GBE1: variants seen among roughly 807,000 people sequenced by gnomAD.
GBE1 encodes the protein 1,4-alpha-glucan branching enzyme 1, also known as 1,4-alpha-glucan-branching enzyme.
Under a neutral mutation model 88.8 loss-of-function variants are expected in GBE1, and 70 were observed. That is an observed-to-expected ratio of 0.79 (90% CI 0.65 to 0.96). GBE1 has a LOEUF of 0.96. Ranked by LOEUF, GBE1 falls within the 40% of genes least tolerant of loss-of-function variation. GBE1 has a pLI of 0.00. For synonymous variants in GBE1, 284 were observed against 300.1 expected, an observed-to-expected ratio of 0.95 and a Z score of 0.56; for missense variants, 872 against 871.0, an observed-to-expected ratio of 1.00 and a Z score of -0.01.
At chr3:81,590,957 T>G (rs1484640831) in intron 9 of GBE1, 80 bp downstream of exon 9, 42 of 1,229,932 alleles carry the variant, frequency 3.4e-5, no homozygotes, top group Non-Finnish European at 4.4e-5. Context: ...CAACATGAGA[T>G]TGATTAATCA....
At chr3:81,535,788 A>G (rs963625053) in intron 13 of GBE1, among the ~76,000 whole-genome samples, 3 of 152,126 alleles carry the variant, frequency 2.0e-5, no homozygotes, top group Non-Finnish European at 4.4e-5. Flanking sequence ...TAAACATTTT[A>G]CATTTTTACC....
intron 12 of GBE1, among the ~76,000 whole-genome samples, chr3:81,549,242 C>G (rs547085147): frequency 6.6e-6 from 1 of 151,152 alleles, no homozygotes; most frequent in East Asian, 1.9e-4. Context: ...CTTGGCCAGG[C>G]TGGTCTCGAA....
At chr3:81,720,054 CA>C (rs1706001007) in intron 1 of GBE1, among the ~76,000 whole-genome samples, 1 of 151,800 alleles carries the variant, frequency 6.6e-6, no homozygotes, top group South Asian at 2.1e-4. Context: ...TTTCCAACAA[CA>C]AAAAAATCCA....
At chr3:81,671,786 C>T (rs1442995890) in intron 2 of GBE1, among the ~76,000 whole-genome samples, 1 of 151,824 alleles carries the variant, frequency 6.6e-6, no homozygotes, top group Non-Finnish European at 1.5e-5. Context: ...GTTTTTAAAA[C>T]TATAAAACTT....
At chr3:81,556,630 C>T (rs942548004) in intron 12 of GBE1, among the ~76,000 whole-genome samples, 1 of 152,040 alleles carries the variant, frequency 6.6e-6, no homozygotes, top group African/African-American at 2.4e-5. Context: ...TCCTGAGACC[C>T]ATTAAAGAAA....
chr3:81,590,932 T>G, intron 9 of GBE1, 105 bp downstream of exon 9: 1 of 974,348 alleles, frequency 1.0e-6, no homozygotes, highest in Non-Finnish European at 1.4e-6. Context: ...AGAATTTCAT[T>G]TACGCAATTA....
rs116080594 is a variant in GBE1 at position 81,602,345 on chromosome 3, T to A, written c.993-8322A>T. ...ACATGGTCAACAAAATCAGATTTTG[T>A]GGAAAGGTATCTATTAAATTAACCA... On this transcript the variant is annotated intron_variant, in intron 7 of 15. Transcript: ENST00000429644. Among the ~76,000 whole-genome samples, 638 of 152,290 alleles carry A rather than the reference T, an allele frequency of 4.2e-3. 6 individuals carry two copies. The highest frequency in any genetic ancestry group is 0.024 in the Middle Eastern group (7 of 294).
intron 12 of GBE1, among the ~76,000 whole-genome samples, chr3:81,570,301 A>G (rs1281568172): frequency 1.3e-5 from 2 of 152,176 alleles, no homozygotes; most frequent in Non-Finnish European, 2.9e-5. Flanking sequence ...AATTTGTACC[A>G]TTTGTTCAAA....
intron 3 of GBE1, among the ~76,000 whole-genome samples, chr3:81,661,424 C>T (rs3772906): frequency 0.085 from 12,944 of 152,088 alleles, 1,148 homozygotes; most frequent in African/African-American, 0.22. Context: ...AAAAAGAATG[C>T]TTTTTATAAT....
Position 81,642,935 on chromosome 3 carries a change from C to T in GBE1, c.838G>A (p.Gly280Ser). The change falls in exon 7 of 16, where the codon GGT becomes AGT. Residue 280 changes from glycine (G) to serine (S), a missense_variant. By Grantham distance (56) the Gly-to-Ser change is moderately conservative (BLOSUM62 0). Transcript: ENST00000429644. ...QELVDTAHSM[G>S]IIVLLDVVHS... Reference sequence around the variant, plus strand: ...ACCACATCTAAGAGGACTATGATACCCATGGAATGAGCTGTGTCTACCAGT... The same window carrying T: ...ACCACATCTAAGAGGACTATGATACTCATGGAATGAGCTGTGTCTACCAGT... 6.2e-7 allele frequency: 1 copy of T among 1,612,836 alleles called. No individual in the cohort carries two copies.
chr3:81,702,185 T>C (rs1211841222), intron 2 of GBE1, among the ~76,000 whole-genome samples: 7 of 150,182 alleles, frequency 4.7e-5, no homozygotes, highest in Non-Finnish European at 1.0e-4. Context: ...TTCAGTTATC[T>C]AAGAGTATAT....
intron 14 of GBE1, among the ~76,000 whole-genome samples, chr3:81,532,056 A>C (rs1160669167): frequency 6.6e-6 from 1 of 151,888 alleles, no homozygotes; most frequent in Non-Finnish European, 1.5e-5. Context: ...CTAAGCAAAC[A>C]GATTCTCTTC....
chr3:81,497,336 C>T (rs748318172), intron 15 of GBE1, among the ~76,000 whole-genome samples: 13 of 152,062 alleles, frequency 8.5e-5, no homozygotes, highest in African/African-American at 2.2e-4. Flanking sequence ...CATGTTTAAA[C>T]GACTGAACAA....
At chr3:81,687,292 G>C (rs986959660) in intron 2 of GBE1, among the ~76,000 whole-genome samples, 23 of 152,084 alleles carry the variant, frequency 1.5e-4, no homozygotes, top group Non-Finnish European at 3.2e-4. Flanking sequence ...GAGAGGCTGA[G>C]GGGAAAAGAA....
chr3:81,722,956 A>G (rs1706056199), intron 1 of GBE1, among the ~76,000 whole-genome samples: 1 of 150,048 alleles, frequency 6.7e-6, no homozygotes, highest in Admixed American at 6.7e-5. Context: ...ACACATATAT[A>G]ATCTCATACT....
chr3:81,739,358 C>T (rs149019587), intron 1 of GBE1, among the ~76,000 whole-genome samples: 146 of 152,244 alleles, frequency 9.6e-4, no homozygotes, highest in African/African-American at 3.0e-3. Context: ...TCATGTGAAA[C>T]TCATTAAAAC....
At chr3:81,505,574 A>C (rs1232174959) in intron 14 of GBE1, among the ~76,000 whole-genome samples, 1 of 152,200 alleles carries the variant, frequency 6.6e-6, no homozygotes, top group Non-Finnish European at 1.5e-5. Context: ...AACATAGCCA[A>C]ATTATGCCTA....
chr3:81,559,559 A>G (rs1245291837), intron 12 of GBE1, among the ~76,000 whole-genome samples: 1 of 151,772 alleles, frequency 6.6e-6, no homozygotes, highest in African/African-American at 2.4e-5. Flanking sequence ...GCCACACACT[A>G]TTGTATCTAA....
intron 3 of GBE1, among the ~76,000 whole-genome samples, chr3:81,652,981 G>A (rs890720212): frequency 1.3e-5 from 2 of 152,116 alleles, no homozygotes; most frequent in African/African-American, 4.8e-5. Flanking sequence ...CAAAATGTCA[G>A]CATGCTATGG....
Sources: gnomAD v4.1 joint callset for allele counts (sites outside exome capture counted in the v4.1 genomes callset) on GRCh38, gnomAD v4.1.1 for gene constraint, MANE v1.5 for transcripts, NCBI Gene and HGNC (gene_info 2026-07-23, HGNC 2026-07-21) for gene names.